ZNF423: variants seen among roughly 807,000 people sequenced by gnomAD.
The protein encoded by ZNF423 is Ebf-associated zinc finger protein.
Under a neutral mutation model 95.8 loss-of-function variants are expected in ZNF423, and 12 were observed. That is an observed-to-expected ratio of 0.13 (90% confidence interval 0.08 to 0.20). The LOEUF (loss-of-function observed/expected upper bound fraction) is 0.20. Among genes scored for constraint, ZNF423 ranks in the 10% least tolerant of loss-of-function variants. ZNF423 has a pLI of 1.00. For synonymous variants in ZNF423, 749 were observed against 711.9 expected (o/e 1.05, Z -0.83); for missense variants, 1,316 against 1,737.1 (o/e 0.76, Z 4.31).
chr16:49,749,776 A>AGGC (rs1268892625), intron 2 of ZNF423, among the ~76,000 whole-genome samples: 1 of 118,104 alleles, frequency 8.5e-6, no homozygotes, highest in Non-Finnish European at 1.6e-5. Context: ...AAATGTGAAC[A>AGGC]GGCCCCAGTA....
intron 2 of ZNF423, among the ~76,000 whole-genome samples, chr16:49,732,663 A>G (rs2033196494): frequency 6.6e-6 from 1 of 152,262 alleles, no homozygotes; most frequent in South Asian, 2.1e-4. Flanking sequence ...AAAGCAAGAA[A>G]GACAGACACG....
chr16:49,696,726 G>A (rs2031988180), intron 3 of ZNF423, among the ~76,000 whole-genome samples: 1 of 151,910 alleles, frequency 6.6e-6, no homozygotes, highest in African/African-American at 2.4e-5. Context: ...GGACAGCCAG[G>A]GACCTGGCCT....
At chr16:49,798,117 G>A (rs1372662640) in intron 1 of ZNF423, among the ~76,000 whole-genome samples, 1 of 152,160 alleles carries the variant, frequency 6.6e-6, no homozygotes, top group Non-Finnish European at 1.5e-5. Flanking sequence ...GGCTGAGATG[G>A]GAGGATCACT....
chr16:49,777,780 G>A (rs558147423), intron 2 of ZNF423, among the ~76,000 whole-genome samples: 9 of 152,312 alleles, frequency 5.9e-5, no homozygotes, highest in Admixed American at 2.0e-4. Context: ...AGACGGGAAT[G>A]CTAATACTGT....
At chr16:49,788,265 T>C (rs888330661) in intron 2 of ZNF423, among the ~76,000 whole-genome samples, 6 of 152,200 alleles carry the variant, frequency 3.9e-5, no homozygotes, top group Non-Finnish European at 7.3e-5. Context: ...TAGCTCCTGC[T>C]GGAAAGGACA....
At chr16:49,602,699 A>T (rs1156695375) in intron 5 of ZNF423, among the ~76,000 whole-genome samples, 1 of 152,080 alleles carries the variant, frequency 6.6e-6, no homozygotes, top group Non-Finnish European at 1.5e-5. Context: ...GCATGCAGGA[A>T]TTGCTCCTGC....
chr16:49,557,907 A>C (rs549016818), intron 5 of ZNF423, among the ~76,000 whole-genome samples: 13 of 152,096 alleles, frequency 8.5e-5, no homozygotes, highest in Non-Finnish European at 1.3e-4. Flanking sequence ...GGGCCTGGGC[A>C]CCTGGGGCCC....
At chr16:49,677,770 G>A (rs1378942072) in intron 3 of ZNF423, among the ~76,000 whole-genome samples, 7 of 107,874 alleles carry the variant, frequency 6.5e-5, no homozygotes, top group African/African-American at 2.2e-4. Flanking sequence ...AAAAAAAAAA[G>A]AGAGAGAGAG....
intron 5 of ZNF423, among the ~76,000 whole-genome samples, chr16:49,557,991 G>A (rs895682009): frequency 6.6e-6 from 1 of 152,224 alleles, no homozygotes; most frequent in Non-Finnish European, 1.5e-5. Context: ...GGGAAAAGAC[G>A]AGGGTCCCAC....
chr16:49,551,564 C>G (rs1969635557), intron 5 of ZNF423, among the ~76,000 whole-genome samples: 1 of 152,216 alleles, frequency 6.6e-6, no homozygotes, highest in Non-Finnish European at 1.5e-5. Context: ...AGCTCTGTCT[C>G]CTTGGCAGCA....
At chr16:49,515,198 C>T (rs1968086376) in intron 7 of ZNF423, among the ~76,000 whole-genome samples, 1 of 152,244 alleles carries the variant, frequency 6.6e-6, no homozygotes, top group African/African-American at 2.4e-5. Flanking sequence ...TGCAGCCTGG[C>T]AAACGTGGCC....
chr16:49,755,459 A>G (rs761251933), intron 2 of ZNF423, among the ~76,000 whole-genome samples: 2 of 152,212 alleles, frequency 1.3e-5, no homozygotes. Context: ...ATCGAGGGTA[A>G]GCCAGGCTCT....
intron 2 of ZNF423, among the ~76,000 whole-genome samples, chr16:49,740,417 G>T (rs1408041821): frequency 6.6e-6 from 1 of 152,194 alleles, no homozygotes; most frequent in Non-Finnish European, 1.5e-5. Context: ...CCCCAATTCC[G>T]CACTCGGCTT....
chr16:49,668,837 A>G lies in ZNF423; in HGVS notation c.302-29963T>C, dbSNP rs113499637. ...TTTGAATCTTGGCTCTGTCATCTACATGCTGTGTGACCTGGGACAAGTGAC... is the reference window on the plus strand; with the variant it reads ...TTTGAATCTTGGCTCTGTCATCTACGTGCTGTGTGACCTGGGACAAGTGAC... On this transcript the variant is annotated intron_variant, in intron 3 of 7. Transcript: ENST00000563137. 3.5e-3 allele frequency among the ~76,000 whole-genome samples: 529 copies of G among 152,260 alleles called. 1 individual carries two copies. Among genetic ancestry groups the G allele is most frequent in the Non-Finnish European group, 5.8e-3 (392 of 68,002 alleles).
intron 5 of ZNF423, among the ~76,000 whole-genome samples, chr16:49,573,252 A>G (rs766431651): frequency 6.6e-6 from 1 of 152,172 alleles, no homozygotes; most frequent in Non-Finnish European, 1.5e-5. Flanking sequence ...GAACATGTCT[A>G]GAGGATGCTG....
At chr16:49,810,805 T>C (rs957756257) in intron 1 of ZNF423, among the ~76,000 whole-genome samples, 1 of 152,218 alleles carries the variant, frequency 6.6e-6, no homozygotes, top group Non-Finnish European at 1.5e-5. Flanking sequence ...CCGGACACTT[T>C]CTGTGCATTT....
In ZNF423 at chr16:49,581,926, A is replaced by G. The variant is rs1970689687; in HGVS notation, c.3601+44244T>C. Among the ~76,000 whole-genome samples the G allele has an allele frequency of 1.3e-5, 2 of 152,116 alleles. 1 individual carries two copies. Among genetic ancestry groups the G allele is most frequent in the African/African-American group, 4.8e-5 (2 of 41,434 alleles). Reference sequence around the variant, plus strand: ...TCACCAGGCGTCAGTTCTGTGCAACATTTCCCAAGCAATAACCAGGGTTAT... The same window carrying G: ...TCACCAGGCGTCAGTTCTGTGCAACGTTTCCCAAGCAATAACCAGGGTTAT... On this transcript the variant is annotated intron_variant, in intron 5 of 7. Coordinates refer to ENST00000563137, the MANE Select transcript of ZNF423 (RefSeq NM_001379286.1).
At chr16:49,614,207 C>T (rs2151848116) in intron 5 of ZNF423, among the ~76,000 whole-genome samples, 1 of 152,362 alleles carries the variant, frequency 6.6e-6, no homozygotes, top group Middle Eastern at 3.4e-3. Flanking sequence ...TGTTCAACAT[C>T]ATTAGCCATT....
At chr16:49,585,431 A>T (rs1300045865) in intron 5 of ZNF423, among the ~76,000 whole-genome samples, 1 of 152,176 alleles carries the variant, frequency 6.6e-6, no homozygotes, top group African/African-American at 2.4e-5. Context: ...GCCGCTGTAC[A>T]GCCAGCCATT....
Sources: gnomAD v4.1 joint callset for allele counts (sites outside exome capture counted in the v4.1 genomes callset) on GRCh38, gnomAD v4.1.1 for gene constraint, MANE v1.5 for transcripts, NCBI Gene and HGNC (gene_info 2026-07-23, HGNC 2026-07-21) for gene names.